EXOC4: variants seen among roughly 807,000 people sequenced by gnomAD.
EXOC4 encodes the protein SEC8-like 1.
EXOC4 carries 71 observed loss-of-function variants against 107.2 expected under a neutral mutation model. The observed-to-expected ratio is 0.66, with a 90% CI of 0.55 to 0.81. The LOEUF is 0.81. Among genes scored for constraint, EXOC4 ranks in the 30% least tolerant of loss-of-function variants. The pLI is 0.00. For synonymous variants in EXOC4, 456 were observed against 441.2 expected, an observed-to-expected ratio of 1.03 and a Z score of -0.42; for missense variants, 1,108 against 1,189.6, an observed-to-expected ratio of 0.93 and a Z score of 1.01.
chr7:133,255,325 C>T (rs979762240), intron 1 of EXOC4, among the ~76,000 whole-genome samples: 2 of 151,980 alleles, frequency 1.3e-5, no homozygotes, highest in African/African-American at 2.4e-5. Flanking sequence ...TATAGGCGTG[C>T]GCCACCACAC....
intron 17 of EXOC4, among the ~76,000 whole-genome samples, chr7:134,045,941 G>T (rs146984620): frequency 2.6e-5 from 4 of 152,090 alleles, no homozygotes; most frequent in Non-Finnish European, 5.9e-5. Context: ...ATTAGCACTT[G>T]TCTTAATAAC....
rs1417362550 is a variant in EXOC4 at position 133,896,831 on chromosome 7, ATTTTTGTATTTTTAGTAGAGATG to A, written c.1871+1097_1871+1119del. On this transcript the variant is annotated intron_variant, in intron 12 of 17. Coordinates refer to ENST00000253861, the MANE Select transcript of EXOC4 (RefSeq NM_021807.4). ...CAGGTGCGCGCCACCATGTCTGGCT[ATTTTTGTATTTTTAGTAGAGATG>A]GGGTTTCACCATGTTGGCCAGGCTG... Among the ~76,000 whole-genome samples the A allele has an allele frequency of 8.2e-5, 7 of 85,390 alleles. No individual in the cohort carries two copies. In the East Asian group the frequency reaches 1.6e-3, roughly 19 times the overall value. 56.0% of individuals were successfully genotyped at this position (85,390 alleles called of 152,430 possible).
At chr7:133,554,461 C>T (rs1019596926) in intron 9 of EXOC4, among the ~76,000 whole-genome samples, 2 of 152,146 alleles carry the variant, frequency 1.3e-5, no homozygotes, top group African/African-American at 4.8e-5. Context: ...CAACCTTAAT[C>T]TAGTGCTGGG....
chr7:133,460,108 G>C (rs143535170), intron 7 of EXOC4, among the ~76,000 whole-genome samples: 1 of 152,188 alleles, frequency 6.6e-6, no homozygotes, highest in Non-Finnish European at 1.5e-5. Context: ...TCCATGTATG[G>C]AGGGTGGCTG....
chr7:133,880,149 T>C (rs1015017342), intron 11 of EXOC4, among the ~76,000 whole-genome samples: 1 of 152,138 alleles, frequency 6.6e-6, no homozygotes, highest in Admixed American at 6.5e-5. Context: ...ACCTTTTTAT[T>C]CCTGTTCCCT....
intron 17 of EXOC4, among the ~76,000 whole-genome samples, chr7:134,051,942 C>T (rs1329362248): frequency 3.3e-5 from 5 of 151,988 alleles, no homozygotes; most frequent in African/African-American, 4.8e-5. Context: ...GCCGAGATCA[C>T]GCCACTGCAC....
chr7:133,543,545 A>G (rs1206983617), intron 9 of EXOC4, among the ~76,000 whole-genome samples: 2 of 152,084 alleles, frequency 1.3e-5, no homozygotes, highest in Admixed American at 6.5e-5. Context: ...ATATTTAATA[A>G]CTATTATTAG....
In EXOC4 at chr7:133,448,153, C is replaced by T. The variant is rs933481296; in HGVS notation, c.1183-27175C>T. Among the ~76,000 whole-genome samples, 3 of 152,174 alleles carry T rather than the reference C, an allele frequency of 2.0e-5. 1 individual carries two copies. ...AAAAGCACAGTGTAGTGAAGCATTT[C>T]TGGGTCTCCTTTTGCCCTTGGGCTG... is the stretch of plus-strand genomic sequence containing the variant. On this transcript the variant is annotated intron_variant, in intron 7 of 17. Transcript: ENST00000253861.
At chr7:133,835,558 T>C (rs897773603) in intron 11 of EXOC4, among the ~76,000 whole-genome samples, 1 of 152,210 alleles carries the variant, frequency 6.6e-6, no homozygotes, top group African/African-American at 2.4e-5. Flanking sequence ...TGACTTTGAA[T>C]AGAATGGGAG....
intron 11 of EXOC4, among the ~76,000 whole-genome samples, chr7:133,869,955 A>G (rs1214726658): frequency 6.6e-6 from 1 of 152,226 alleles, no homozygotes; most frequent in Non-Finnish European, 1.5e-5. Context: ...TAGGGTTGCC[A>G]GTTGTAATTA....
intron 7 of EXOC4, among the ~76,000 whole-genome samples, chr7:133,441,835 G>GTGT: frequency 6.6e-6 from 1 of 151,958 alleles, no homozygotes; most frequent in South Asian, 2.1e-4. Context: ...GTGTGTGGGG[G>GTGT]GTGTGTGTGT....
the EXOC4 span, among the ~76,000 whole-genome samples, chr7:134,100,593 C>T: frequency 7.7e-6 from 1 of 129,820 alleles, no homozygotes; most frequent in African/African-American, 2.6e-5. Flanking sequence ...TGTAAAGGAG[C>T]CATGTATGGG....
At chr7:133,954,288 G>T (rs531343566) in intron 14 of EXOC4, among the ~76,000 whole-genome samples, 1 of 152,266 alleles carries the variant, frequency 6.6e-6, no homozygotes, top group South Asian at 2.1e-4. Flanking sequence ...AAAAGAACTT[G>T]TCAAGGATAT....
chr7:133,573,946 G>C (rs1371522009), intron 9 of EXOC4, among the ~76,000 whole-genome samples: 3 of 152,174 alleles, frequency 2.0e-5, no homozygotes, highest in Non-Finnish European at 4.4e-5. Context: ...AGATTCTTCA[G>C]CTTTGTGAAA....
At chr7:133,397,146 GA>G (rs1796987517) in intron 7 of EXOC4, among the ~76,000 whole-genome samples, 1 of 84,614 alleles carries the variant, frequency 1.2e-5, no homozygotes, top group South Asian at 3.8e-4. Flanking sequence ...TTTTTTTTTT[GA>G]GACGGAATTT....
chr7:133,319,655 A>G (rs901072159), intron 5 of EXOC4, among the ~76,000 whole-genome samples: 1 of 151,858 alleles, frequency 6.6e-6, no homozygotes, highest in Non-Finnish European at 1.5e-5. Flanking sequence ...ACACCCAGCT[A>G]ATTTTTGTAG....
chr7:133,524,803 C>T (rs1800049464), intron 9 of EXOC4, among the ~76,000 whole-genome samples: 1 of 152,138 alleles, frequency 6.6e-6, no homozygotes, highest in African/African-American at 2.4e-5. Flanking sequence ...ATCTATATCT[C>T]TGTTTTGGTA....
At chr7:133,325,326 C>T (rs867107449) in intron 5 of EXOC4, among the ~76,000 whole-genome samples, 4 of 152,186 alleles carry the variant, frequency 2.6e-5, no homozygotes, top group Non-Finnish European at 5.9e-5. Flanking sequence ...TACAGTTTGG[C>T]ATGTTTTTGC....
intron 12 of EXOC4, among the ~76,000 whole-genome samples, chr7:133,900,745 CT>C (rs1799433477): frequency 6.6e-6 from 1 of 152,174 alleles, no homozygotes; most frequent in South Asian, 2.1e-4. Flanking sequence ...CTTGATAAGA[CT>C]TTGGCCACTG....
Sources: allele counts gnomAD v4.1 joint callset (sites outside exome capture counted in the v4.1 genomes callset), GRCh38; gene constraint gnomAD v4.1.1; transcripts MANE v1.5; gene names NCBI Gene and HGNC (gene_info 2026-07-23, HGNC 2026-07-21).